ELF4: variants seen among roughly 807,000 people sequenced by gnomAD.
The protein encoded by ELF4 is E74 like ETS transcription factor 4.
A neutral mutation model predicts 31.7 loss-of-function variants in ELF4; 10 were observed. The ratio of observed to expected loss-of-function variants is 0.32; its 90% confidence interval spans 0.19 to 0.54. The LOEUF (loss-of-function observed/expected upper bound fraction) is 0.54, where lower values mean the gene tolerates loss of function less well. ELF4 is among the 20% of genes least tolerant of loss of function. The pLI is 0.95. For synonymous variants in ELF4, 208 were observed against 226.7 expected (o/e 0.92, Z 0.74); for missense variants, 418 against 522.0 (o/e 0.80, Z 1.94).
chrX:130,099,618 A>T (rs756740690), intron 1 of ELF4, among the ~76,000 whole-genome samples: 3 of 111,176 alleles, frequency 2.7e-5, no homozygotes, highest in African/African-American at 9.8e-5. Context: ...ATATTGTGTT[A>T]AGTGTCATCT....
At chrX:130,072,522 T>G in intron 4 of ELF4, 105 bp from the exon 5 acceptor site, 1 of 811,558 alleles carries the variant, frequency 1.2e-6, no homozygotes, top group Non-Finnish European at 1.8e-6. Flanking sequence ...GGGGGGCTCA[T>G]CCCCCCAGCC....
intron 2 of ELF4, among the ~76,000 whole-genome samples, chrX:130,075,130 G>A (rs1569403689): frequency 9.0e-6 from 1 of 110,574 alleles, no homozygotes; most frequent in African/African-American, 3.3e-5. Context: ...CACCATGCCT[G>A]GCTAATTTTT....
rs1334158716 is a variant in ELF4 at position 130,072,338 on chromosome X, C to G, written c.420G>C (p.Glu140Asp). 1.7e-6 allele frequency: 2 copies of G among 1,211,036 alleles called. No individual in the cohort carries two copies. Among genetic ancestry groups the G allele is most frequent in the Non-Finnish European group, 2.2e-6 (2 of 895,422 alleles). The change falls in exon 5 of 9, where the codon GAG becomes GAC. Residue 140 changes from glutamate (E) to aspartate (D), a missense_variant. Physicochemically the swap from Glu to Asp is conservative, Grantham distance 45. Around this residue, in one of 4 missense-constraint regions of ELF4, gnomAD observed 88 missense variants for 92.4 expected, o/e 0.95. Coordinates refer to ENST00000308167, the MANE Select transcript of ELF4 (RefSeq NM_001421.4). ...CACCCGCCCTGTTCAGGGCATCGGG[C>G]TCAGAGGCAGGAAACAGGTAGTTGG... Reference protein sequence around the residue: ...TLPNYLFPASEPDALNRAGDT... With the variant: ...TLPNYLFPASDPDALNRAGDT...
chrX:130,100,207 C>T (rs1933225485), intron 1 of ELF4, among the ~76,000 whole-genome samples: 1 of 111,815 alleles, frequency 8.9e-6, no homozygotes, highest in Non-Finnish European at 1.9e-5. Context: ...CAGCAGAAAA[C>T]CCACTTGACT....
At chrX:130,110,955 G>A, upstream of ELF4, among the ~76,000 whole-genome samples, 1 of 88,887 alleles carries the variant, frequency 1.1e-5, no homozygotes, top group Non-Finnish European at 2.2e-5. Flanking sequence ...CAGGGCGGGA[G>A]GGAGGGAAGA....
chrX:130,109,549 G>A (rs1040313899), intron 1 of ELF4, among the ~76,000 whole-genome samples: 2 of 111,955 alleles, frequency 1.8e-5, no homozygotes, highest in Non-Finnish European at 3.8e-5. Context: ...GAGCCGAGGT[G>A]CCAAGGGGTC....
intron 2 of ELF4, among the ~76,000 whole-genome samples, chrX:130,076,695 T>C (rs1471573870): frequency 8.9e-6 from 1 of 112,396 alleles, no homozygotes; most frequent in Admixed American, 9.4e-5. Context: ...CCTCCCAAAG[T>C]GCTGAGATTA....
intron 8 of ELF4, among the ~76,000 whole-genome samples, 180 bp from the exon 9 acceptor site, chrX:130,067,705 G>A (rs771214234): frequency 1.4e-3 from 152 of 112,100 alleles, no homozygotes; most frequent in African/African-American, 4.8e-3. Context: ...GCAGTGACAC[G>A]ATTACTGCTC....
rs764555034 is a variant in ELF4 at position 130,082,625 on chromosome X, CCT to C, written c.-209-1088_-209-1087del. Among the ~76,000 whole-genome samples the C allele has an allele frequency of 7.3e-3, 815 of 111,490 alleles. 6 individuals are homozygous for C. The highest frequency in any genetic ancestry group is 0.012 in the Non-Finnish European group (655 of 52,935). On this transcript the variant is annotated intron_variant, in intron 1 of 8. Coordinates refer to ENST00000308167, the MANE Select transcript of ELF4 (RefSeq NM_001421.4). ...GGCGTCCGGGCCTGCATTTGTTCCC[CCT>C]GTCGCCACTCCTCAGGGCTGTCAGT...
At position 130,064,660 on chromosome X, in the gene ELF4, C is replaced by T. The variant is rs1030624772; in HGVS notation, c.*2061G>A. 1.8e-5 allele frequency among the ~76,000 whole-genome samples: 2 copies of T among 111,448 alleles called. 1 individual carries two copies. The highest frequency in any genetic ancestry group is 1.9e-4 in the Admixed American group (2 of 10,536). ...CACGTTGGAAGTGGTAGGTGAAGAA[C>T]CAGCCCCGGAAAGGGTGATGGGGGA... On this transcript the variant is annotated 3_prime_UTR_variant, in exon 9 of 9. Coordinates refer to ENST00000308167, the MANE Select transcript of ELF4 (RefSeq NM_001421.4).
intron 4 of ELF4, 112 bp downstream of exon 4, chrX:130,073,937 G>T: frequency 2.7e-6 from 2 of 749,275 alleles, no homozygotes; most frequent in Non-Finnish European, 4.1e-6. Flanking sequence ...CGGTGGGTGT[G>T]GTGCATGTAT....
Position 130,066,316 on chromosome X carries a change from C to T in ELF4, c.*405G>A. 1 of 220,927 alleles carries T rather than the reference C, an allele frequency of 4.5e-6. No individual in the cohort carries two copies. Among genetic ancestry groups the T allele is most frequent in the Non-Finnish European group, 8.3e-6 (1 of 120,872 alleles). 18.2% of individuals were successfully genotyped at this position (220,927 alleles called of 1,213,427 possible). A position where few individuals can be genotyped will look rare whatever the true frequency, so the allele number is the denominator to read the frequency against. On this transcript the variant is annotated 3_prime_UTR_variant, in exon 9 of 9. Transcript: ENST00000308167. The stretch of plus-strand genomic sequence containing the variant: ...TAAGATACAGACCAACAAGTACACA[C>T]AAGTACATACAGGGATATTCACATA...
intron 1 of ELF4, among the ~76,000 whole-genome samples, chrX:130,083,832 C>CTGGATGGATGGA (rs773641555): frequency 1.8e-4 from 19 of 103,188 alleles, no homozygotes; most frequent in East Asian, 1.2e-3. Context: ...GGATGGATGG[C>CTGGATGGATGGA]TGGATGGATG....
rs1227395602 is a variant in ELF4 at position 130,069,494 on chromosome X, G to C, written c.993C>G (p.Ser331Arg). The change falls in exon 8 of 9, where the codon AGC (serine) becomes AGG (arginine). Residue 331 changes from serine to arginine, a missense_variant. Physicochemically the swap from Ser to Arg is moderately radical, Grantham distance 110. Transcript: ENST00000308167. The stretch of plus-strand genomic sequence containing the variant: ...GGGCAGATCTGGATGAGACCCTGGA[G>C]CTGGTTCGCCGGGTGGTACTGGCAG... ...VASASTTRRT[S>R]SRVSSRSAPQ... 6 of 1,212,534 alleles carry C rather than the reference G, an allele frequency of 4.9e-6. No individual in the cohort carries two copies. Among genetic ancestry groups the C allele is most frequent in the Non-Finnish European group, 6.7e-6 (6 of 895,676 alleles).
At chrX:130,100,348 C>G (rs1194218829) in intron 1 of ELF4, among the ~76,000 whole-genome samples, 2 of 111,577 alleles carry the variant, frequency 1.8e-5, no homozygotes, top group Non-Finnish European at 3.8e-5. Context: ...ACCAGCCAGA[C>G]TCGGCAGAGC....
chrX:130,110,873 C>A (rs1261749136), upstream of ELF4, among the ~76,000 whole-genome samples: 2 of 7,799 alleles, frequency 2.6e-4, no homozygotes, highest in African/African-American at 1.1e-3. Context: ...CCGAAACGAG[C>A]GAGCGAAAGG....
In ELF4 at chrX:130,083,322, C is replaced by T. The variant is rs1321518143; in HGVS notation, c.-209-1783G>A. ...ACCCATTCTCCACTGGTCTGTGAAG[C>T]CTCCCAAGGCCATTTATGCTTGGAA... On this transcript the variant is annotated intron_variant, in intron 1 of 8. Transcript: ENST00000308167. 3.1e-5 allele frequency among the ~76,000 whole-genome samples: 3 copies of T among 95,672 alleles called. No homozygotes were observed. In the Admixed American group the frequency reaches 3.7e-4, roughly 12 times the overall value. The allele number at this position is 95,672 out of a possible 115,157, so 83.1% of individuals were successfully genotyped here. A position where few individuals can be genotyped will look rare whatever the true frequency, so the allele number is the denominator to read the frequency against.
intron 1 of ELF4, among the ~76,000 whole-genome samples, chrX:130,103,626 A>G (rs1933323912): frequency 8.9e-6 from 1 of 112,202 alleles, no homozygotes; most frequent in African/African-American, 3.2e-5. Context: ...CATTATAGGA[A>G]AAAGATTAGC....
chrX:130,074,074 G>C lies in ELF4; in HGVS notation c.315C>G (p.Ser105Arg). The change falls in exon 4 of 9, where the codon AGC becomes AGG. Residue 105 changes from serine (S) to arginine (R), a missense_variant. By Grantham distance (110) the Ser-to-Arg change is moderately radical. This residue lies in a region of ELF4 where 88 missense variants were observed against 92.4 expected (regional missense o/e 0.95). Coordinates refer to ENST00000308167, the MANE Select transcript of ELF4 (RefSeq NM_001421.4). Reference sequence around the variant, plus strand: ...AGATCTGCTTCTCATCCAGGATATCGCTGGGAGACTCCATATTGAGTAAGA... The same window carrying C: ...AGATCTGCTTCTCATCCAGGATATCCCTGGGAGACTCCATATTGAGTAAGA... ...AEVLLNMESP[S>R]DILDEKQIFS... The C allele has an allele frequency of 1.7e-6, 2 of 1,211,430 alleles. No homozygotes were observed. Among genetic ancestry groups the C allele is most frequent in the Non-Finnish European group, 2.2e-6 (2 of 895,375 alleles).
Sources: allele counts gnomAD v4.1 joint callset (sites outside exome capture counted in the v4.1 genomes callset), GRCh38; gene constraint gnomAD v4.1.1; regional missense constraint gnomAD v4.1.1; transcripts MANE v1.5; gene names NCBI Gene and HGNC (gene_info 2026-07-23, HGNC 2026-07-21).